The following CUX1 variants were observed in gnomAD, a reference collection of about 807,000 sequenced individuals.
CUX1 encodes cut like homeobox 1, also known as protein CASP.
Under a neutral mutation model 158.8 loss-of-function variants are expected in CUX1, and 31 were observed. The observed-to-expected ratio is 0.20, with a 90% CI of 0.15 to 0.26. CUX1 has a LOEUF of 0.26. CUX1 is among the 10% of genes least tolerant of loss of function. The pLI, the probability that CUX1 is intolerant of heterozygous loss-of-function variation, is 1.00. For missense variants in CUX1, 1,589 were observed against 2,014.6 expected (o/e 0.79, Z 4.04); for synonymous variants, 879 against 862.1 (o/e 1.02, Z -0.34).
chr7:102,173,116 T>C (rs187521388), intron 10 of CUX1, among the ~76,000 whole-genome samples: 47 of 152,152 alleles, frequency 3.1e-4, no homozygotes, highest in African/African-American at 1.1e-3. Flanking sequence ...TCCTAGCACT[T>C]TGGGGGGCCG....
chr7:101,988,953 C>T (rs376299375), intron 2 of CUX1, among the ~76,000 whole-genome samples: 2 of 151,912 alleles, frequency 1.3e-5, no homozygotes, highest in African/African-American at 2.4e-5. Context: ...AAGCTATAAT[C>T]GTGCCATTCC....
Position 102,201,343 on chromosome 7 carries a change from C to G in CUX1, c.2063-17C>G, listed in dbSNP as rs1795411993. The G allele has an allele frequency of 1.2e-6, 2 of 1,608,024 alleles. No homozygotes were observed. The highest frequency in any genetic ancestry group is 1.7e-6 in the Non-Finnish European group (2 of 1,176,412). On this transcript the variant is annotated splice_polypyrimidine_tract_variant and intron_variant, in intron 17 of 23. Transcript: ENST00000292535. This position sits in a 1 kb window ranked among gnomAD's most constrained non-coding sequence, Gnocchi z 5.0. ...GGGGCCGCCCTGCCACACTCTCACC[C>G]CTGTTTCTCCATGCAGCAGAGCCGG...
downstream of CUX1, among the ~76,000 whole-genome samples, chr7:102,261,949 C>A (rs1285535821): frequency 6.6e-6 from 1 of 152,168 alleles, no homozygotes; most frequent in Admixed American, 6.5e-5. Context: ...AAGACCCCAT[C>A]TCTACGAAAA....
chr7:102,136,638 C>T (rs1387369503), intron 8 of CUX1, among the ~76,000 whole-genome samples: 1 of 152,224 alleles, frequency 6.6e-6, no homozygotes, highest in Non-Finnish European at 1.5e-5. Flanking sequence ...ATCCGCCCAC[C>T]TTGGCCTCCC....
chr7:102,200,250 TTAAC>T (rs1795271407), intron 17 of CUX1, 78 bp downstream of exon 17: 2 of 1,187,538 alleles, frequency 1.7e-6, no homozygotes, highest in East Asian at 5.0e-5. Context: ...TCAGCAGTAA[TTAAC>T]TATTTTTTTT....
At chr7:102,067,554 T>G (rs1371168363) in intron 3 of CUX1, among the ~76,000 whole-genome samples, 1 of 150,030 alleles carries the variant, frequency 6.7e-6, no homozygotes, top group Non-Finnish European at 1.5e-5. Flanking sequence ...ATTTTTTTTT[T>G]ATATAATTAG....
At chr7:102,109,072 A>ATT in intron 6 of CUX1, among the ~76,000 whole-genome samples, 1 of 152,146 alleles carries the variant, frequency 6.6e-6, no homozygotes. Flanking sequence ...TGGATCTAGG[A>ATT]TTTAAATATT....
Position 102,239,386 on chromosome 7 carries a change from C to G in CUX1, c.3689C>G (p.Thr1230Ser). Reference protein sequence around the residue: ...SQPCEPPSVGTEYSQGASPQP... With the variant: ...SQPCEPPSVGSEYSQGASPQP... The stretch of plus-strand genomic sequence containing the variant: ...CCCTGCGAACCGCCCTCTGTCGGCA[C>G]CGAGTACAGCCAGGGCGCCAGCCCC... Residue 1230 changes from threonine to serine, a missense_variant, in exon 23 of 24, where the codon ACC (threonine) becomes AGC (serine). Around this residue, in one of 8 missense-constraint regions of CUX1, gnomAD observed 259 missense variants for 373.8 expected, o/e 0.69. Coordinates refer to ENST00000292535, the MANE Select transcript of CUX1 (RefSeq NM_181552.4). 1 of 1,613,260 alleles carries G rather than the reference C, an allele frequency of 6.2e-7. No homozygotes were observed. Among genetic ancestry groups the G allele is most frequent in the South Asian group, 1.1e-5 (1 of 91,086 alleles).
At chr7:102,178,941 T>C (rs900608364) in intron 11 of CUX1, among the ~76,000 whole-genome samples, 1 of 152,192 alleles carries the variant, frequency 6.6e-6, no homozygotes, top group African/African-American at 2.4e-5. Context: ...CTCGGCTCAC[T>C]GCAGCCTCCG....
intron 4 of CUX1, among the ~76,000 whole-genome samples, chr7:102,079,537 A>G (rs1200840264): frequency 6.6e-6 from 1 of 152,066 alleles, no homozygotes; most frequent in Non-Finnish European, 1.5e-5. Flanking sequence ...GCCTTCTCGA[A>G]GGTGATAGAA....
rs1256053549 is a variant in CUX1 at position 102,250,843 on chromosome 7, C to T, written c.*1801C>T. The T allele has an allele frequency of 4.1e-6, 4 of 985,272 alleles. No homozygotes were observed. The highest frequency in any genetic ancestry group is 4.8e-6 in the Non-Finnish European group (4 of 829,944). The allele number at this position is 985,272 out of a possible 1,614,324, so 61.0% of individuals were successfully genotyped here. ...GTATTTTCTTAAGTACCTGTGCACA[C>T]GTAGAGTGCATTACTGCCACCTTTT... On this transcript the variant is annotated 3_prime_UTR_variant, in exon 24 of 24. Coordinates refer to ENST00000292535, the MANE Select transcript of CUX1 (RefSeq NM_181552.4).
intron 23 of CUX1, among the ~76,000 whole-genome samples, chr7:102,242,877 T>C (rs1235326347): frequency 6.6e-6 from 1 of 152,196 alleles, no homozygotes; most frequent in African/African-American, 2.4e-5. Context: ...TTTTGTGCAT[T>C]TTAGCACTAG....
At chr7:102,022,613 CAAAAA>C (rs11344759) in intron 2 of CUX1, among the ~76,000 whole-genome samples, 2 of 135,026 alleles carry the variant, frequency 1.5e-5, no homozygotes, top group South Asian at 2.3e-4. Flanking sequence ...GACACTGTCT[CAAAAA>C]AAAAAAAAAA....
intron 1 of CUX1, among the ~76,000 whole-genome samples, chr7:101,828,982 T>A (rs1238252773): frequency 6.6e-6 from 1 of 151,798 alleles, no homozygotes; most frequent in African/African-American, 2.4e-5. Flanking sequence ...GGGAGGGAAT[T>A]CCAGGGGTCG....
intron 11 of CUX1, among the ~76,000 whole-genome samples, chr7:102,186,595 A>T (rs147413951): frequency 0.32 from 41,537 of 128,462 alleles, 6,229 homozygotes; most frequent in African/African-American, 0.47. Flanking sequence ...ATATATATAT[A>T]TTTTTTTTTA....
At chr7:102,096,337 C>T (rs2529094) in intron 4 of CUX1, among the ~76,000 whole-genome samples, 91,741 of 151,772 alleles carry the variant, frequency 0.6, 29,576 homozygotes, top group African/African-American at 0.79. Flanking sequence ...GTGGTCATGT[C>T]ATGAAATGGG....
At chr7:102,126,860 T>G (rs1476488175) in intron 8 of CUX1, among the ~76,000 whole-genome samples, 1 of 152,214 alleles carries the variant, frequency 6.6e-6, no homozygotes, top group Non-Finnish European at 1.5e-5. Flanking sequence ...TCATGTAGAA[T>G]CAGTGGGAGC....
rs529998257 is a variant in CUX1, at chr7:102,136,766, A to G, written c.674+21493A>G. Among the ~76,000 whole-genome samples the G allele has an allele frequency of 4.6e-5, 7 of 152,338 alleles. No individual in the cohort carries two copies. The East Asian group carries it at 1.3e-3, about 29-fold the overall frequency. Reference sequence around the variant, plus strand: ...ATTTAATGCAGCTGCACATAAATGTATCATTCTCTTCCTTTGCTCCAAGCA... The same window carrying G: ...ATTTAATGCAGCTGCACATAAATGTGTCATTCTCTTCCTTTGCTCCAAGCA... On this transcript the variant is annotated intron_variant, in intron 8 of 23. Coordinates refer to ENST00000292535, the MANE Select transcript of CUX1 (RefSeq NM_181552.4).
chr7:102,038,103 G>A (rs371687698), intron 3 of CUX1, among the ~76,000 whole-genome samples: 134 of 151,560 alleles, frequency 8.8e-4, no homozygotes, highest in African/African-American at 3.2e-3. Context: ...TCCATGGTAT[G>A]TTCATGTGAA....
Sources: allele counts gnomAD v4.1 joint callset (sites outside exome capture counted in the v4.1 genomes callset), GRCh38; gene constraint gnomAD v4.1.1; regional missense constraint gnomAD v4.1.1; non-coding constraint Gnocchi (gnomAD v3.1); transcripts MANE v1.5; gene names NCBI Gene and HGNC (gene_info 2026-07-23, HGNC 2026-07-21).